Variants in SLC22A8 observed in about 807,000 individuals in gnomAD.
The protein encoded by SLC22A8 is organic anion transporter 3.
In SLC22A8, 40 loss-of-function variants were observed where a neutral mutation model predicts 48.4. The observed-to-expected ratio is 0.83, with a 90% CI of 0.64 to 1.08. The LOEUF is 1.08. SLC22A8 is among the 50% of genes least tolerant of loss of function. The probability of loss-of-function intolerance (pLI) is 0.00; values close to 1 mark genes in which losing one functional copy is unlikely to be tolerated. For synonymous variants in SLC22A8, 268 were observed against 286.3 expected (o/e 0.94, Z 0.65); for missense variants, 606 against 699.0 (o/e 0.87, Z 1.50).
intron 8 of SLC22A8, chr11:62,994,139 A>G (rs1399333581): frequency 1.8e-6 from 1 of 555,292 alleles, no homozygotes; most frequent in African/African-American, 1.9e-5. Flanking sequence ...GGAAGGGTAT[A>G]GGTGTTATCA....
At position 62,994,588 on chromosome 11, in the gene SLC22A8, C is replaced by T; in HGVS notation, c.1170G>A (p.Leu390=). 1.2e-6 allele frequency: 2 copies of T among 1,613,668 alleles called. No homozygotes were observed. The highest frequency in any genetic ancestry group is 1.7e-6 in the Non-Finnish European group (2 of 1,179,826). Residue 390 remains leucine, a synonymous_variant, in exon 8 of 11, where the codon CTG becomes CTA. Transcript: ENST00000336232. The stretch of plus-strand genomic sequence containing the variant: ...CCAAGATGGCCCCTCCTGCCAGGAG[C>T]AGGGCAGCGGCCTGAGTGGTATGCC... The part of the protein sequence containing the change: ...LGRHTTQAAA[L]LLAGGAILAL...
At chr11:62,996,839 G>A (rs2086426845) in intron 5 of SLC22A8, among the ~76,000 whole-genome samples, 2 of 152,280 alleles carry the variant, frequency 1.3e-5, no homozygotes, top group African/African-American at 4.8e-5. Context: ...AAGAGGTTGA[G>A]ATGTGGGGAG....
chr11:63,001,663 T>C (rs1252292894), intron 2 of SLC22A8, among the ~76,000 whole-genome samples: 6 of 152,128 alleles, frequency 3.9e-5, no homozygotes, highest in Non-Finnish European at 7.3e-5. Context: ...TCCTGAATCC[T>C]CCTCTCTCTC....
At chr11:63,014,567 G>T in intron 2 of SLC22A8, 59 bp downstream of exon 2, 1 of 1,386,472 alleles carries the variant, frequency 7.2e-7, no homozygotes, top group Non-Finnish European at 9.9e-7. Context: ...CTGCCCACCA[G>T]CGGTGCAGGG....
Position 62,993,428 on chromosome 11 carries a change from T to A in SLC22A8, c.1525A>T (p.Asn509Tyr), listed in dbSNP as rs750006324. 6.2e-7 allele frequency: 1 copy of A among 1,614,114 alleles called. No homozygotes were observed. The highest frequency in any genetic ancestry group is 8.5e-7 in the Non-Finnish European group (1 of 1,179,984). The change falls in exon 10 of 11, where the codon AAC becomes TAC. Residue 509 changes from asparagine to tyrosine, a missense_variant. By Grantham distance (143) the Asn-to-Tyr change is moderately radical. Transcript: ENST00000336232. ...PLPETIEDLE[N>Y]WSLRAKKPKQ... ...GGGCCAGAGGCAGTGACTGACCAGTTTTCCAGGTCTTCGATAGTCTCTGGC... is the reference window on the plus strand; with the variant it reads ...GGGCCAGAGGCAGTGACTGACCAGTATTCCAGGTCTTCGATAGTCTCTGGC...
rs1176176814 is a variant in SLC22A8 at position 62,999,718 on chromosome 11, A to C, written c.562T>G (p.Ser188Ala). The change falls in exon 4 of 11, where the codon TCA becomes GCA. Residue 188 changes from serine (S) to alanine (A), a missense_variant. Physicochemically the swap from Ser to Ala is moderately conservative, Grantham distance 99. Transcript: ENST00000336232. ...VFRFLCGFGISGITLSTVILN... is the reference protein window; with the variant it reads ...VFRFLCGFGIAGITLSTVILN... ...ATGACGGTGCTCAGGGTAATGCCTG[A>C]GATGCCAAAGCCACACAGGAAGCGG... is the stretch of plus-strand genomic sequence containing the variant. 1 of 1,600,544 alleles carries C rather than the reference A, an allele frequency of 6.2e-7. No individual in the cohort carries two copies. The highest frequency in any genetic ancestry group is 1.3e-5 in the African/African-American group (1 of 74,384).
chr11:63,002,375 A>G (rs1160517672), intron 2 of SLC22A8, among the ~76,000 whole-genome samples: 1 of 152,154 alleles, frequency 6.6e-6, no homozygotes, highest in Non-Finnish European at 1.5e-5. Context: ...TTTTGTGGTG[A>G]TACTTTTGAA....
intron 2 of SLC22A8, among the ~76,000 whole-genome samples, chr11:63,005,496 G>T (rs549087604): frequency 6.6e-6 from 1 of 152,296 alleles, no homozygotes; most frequent in Admixed American, 6.5e-5. Context: ...AAAATACATT[G>T]AAGTTTTAAC....
At chr11:62,994,914 T>C (rs2135116773) in intron 7 of SLC22A8, 158 bp from the exon 8 acceptor site, 2 of 656,220 alleles carry the variant, frequency 3.0e-6, no homozygotes, top group East Asian at 5.4e-5. Flanking sequence ...GTTTCTGAGA[T>C]CGTGTCTGGG....
intron 3 of SLC22A8, among the ~76,000 whole-genome samples, chr11:63,000,097 G>A (rs1366657687): frequency 6.6e-6 from 1 of 152,174 alleles, no homozygotes; most frequent in Non-Finnish European, 1.5e-5. Flanking sequence ...TCAAAGGACC[G>A]CCCATCTCTA....
chr11:62,999,398 C>G, intron 4 of SLC22A8: 1 of 483,636 alleles, frequency 2.1e-6, no homozygotes, highest in Non-Finnish European at 3.7e-6. Context: ...CCTCAGTTTC[C>G]TGATCTGTAA....
intron 5 of SLC22A8, among the ~76,000 whole-genome samples, chr11:62,997,376 C>CA (rs1450805286): frequency 6.6e-6 from 1 of 152,132 alleles, no homozygotes; most frequent in African/African-American, 2.4e-5. Flanking sequence ...AGGCACGCAT[C>CA]ACCACACCCG....
intron 2 of SLC22A8, among the ~76,000 whole-genome samples, chr11:63,003,750 G>T (rs1345259512): frequency 6.6e-6 from 1 of 152,130 alleles, no homozygotes; most frequent in Admixed American, 6.5e-5. Context: ...GCTTAAGAGG[G>T]ATTCCCTAGT....
rs748656187 is a variant in SLC22A8 at position 62,993,895 on chromosome 11, A to G, written c.1217-17T>C. On this transcript the variant is annotated splice_polypyrimidine_tract_variant and intron_variant, in intron 8 of 10. Coordinates refer to ENST00000336232, the MANE Select transcript of SLC22A8 (RefSeq NM_004254.4). ...TCTGCAAGTCTGCAGAGGGAAGAAA[A>G]TGTGGTGGGCCTTGGAGTTCAGGAG... 8 of 1,518,592 alleles carry G rather than the reference A, an allele frequency of 5.3e-6. No homozygotes were observed. In the Admixed American group the frequency reaches 1.3e-4, roughly 25 times the overall value. The allele number at this position is 1,518,592 out of a possible 1,614,324, so 94.1% of individuals were successfully genotyped here.
chr11:63,009,012 CAG>C (rs1458576335), intron 2 of SLC22A8, among the ~76,000 whole-genome samples: 1 of 152,088 alleles, frequency 6.6e-6, no homozygotes, highest in Non-Finnish European at 1.5e-5. Flanking sequence ...CGCACATAAT[CAG>C]GGGCTTTCTC....
intron 2 of SLC22A8, 27 bp downstream of exon 2, chr11:63,014,599 G>A: frequency 1.9e-6 from 3 of 1,551,528 alleles, no homozygotes; most frequent in Non-Finnish European, 2.6e-6. Context: ...GTGGGTAAGT[G>A]GAGGGAGAGG....
Position 62,994,704 on chromosome 11 carries a change from C to T in SLC22A8, c.1054G>A (p.Gly352Arg). Residue 352 changes from glycine (G) to arginine (R), a missense_variant, in exon 8 of 11, where the codon GGA (glycine) becomes AGA (arginine). Physicochemically the swap from Gly to Arg is moderately radical, Grantham distance 125 (BLOSUM62 -2). Transcript: ENST00000336232. Reference sequence around the variant, plus strand: ...ATCTGGAGGATGTAGAGGTTGACTCCAAATTCTTCCACACCCATAGCCAAA... The same window carrying T: ...ATCTGGAGGATGTAGAGGTTGACTCTAAATTCTTCCACACCCATAGCCAAA... Reference protein sequence around the residue: ...YSLAMGVEEFGVNLYILQIIF... With the variant: ...YSLAMGVEEFRVNLYILQIIF... 1.2e-6 allele frequency: 2 copies of T among 1,614,238 alleles called. No homozygotes were observed. Among genetic ancestry groups the T allele is most frequent in the Non-Finnish European group, 1.7e-6 (2 of 1,180,032 alleles).
chr11:63,010,948 C>T (rs977996564), intron 2 of SLC22A8, among the ~76,000 whole-genome samples: 3 of 152,214 alleles, frequency 2.0e-5, no homozygotes, highest in African/African-American at 4.8e-5. Flanking sequence ...CTGTCTCTCC[C>T]GCCAGGCTCT....
intron 3 of SLC22A8, 35 bp downstream of exon 3, chr11:63,000,685 G>A (rs1422324227): frequency 2.8e-6 from 4 of 1,445,852 alleles, no homozygotes; most frequent in Non-Finnish European, 3.9e-6. Context: ...GTCCCCATGG[G>A]TCATGCTTCC....
Sources: allele counts gnomAD v4.1 joint callset (sites outside exome capture counted in the v4.1 genomes callset), GRCh38; gene constraint gnomAD v4.1.1; transcripts MANE v1.5; gene names NCBI Gene and HGNC (gene_info 2026-07-23, HGNC 2026-07-21).